Variants in ARHGEF4 observed in about 807,000 individuals in gnomAD.
ARHGEF4 encodes APC-stimulated guanine nucleotide exchange factor 1.
A neutral mutation model predicts 162.0 loss-of-function variants in ARHGEF4; 119 were observed. The observed-to-expected ratio is 0.73, with a 90% CI of 0.63 to 0.86. ARHGEF4 has a LOEUF of 0.86. Ranked by LOEUF, ARHGEF4 falls within the 40% of genes least tolerant of loss-of-function variation. ARHGEF4 has a pLI of 0.00. For missense variants in ARHGEF4, 2,488 were observed against 2,456.0 expected (o/e 1.01, Z -0.28); for synonymous variants, 1,014 against 979.9 (o/e 1.03, Z -0.65).
chr2:130,966,862 T>TG lies in ARHGEF4; in HGVS notation c.3985+20233dup, dbSNP rs1224219093. Among the ~76,000 whole-genome samples the TG allele has an allele frequency of 2.6e-5, 4 of 152,226 alleles. No homozygotes were observed. The East Asian group carries it at 7.7e-4, about 29-fold the overall frequency. ...ATGACTCTAGTCAGGGGTATTGATC[T>TG]GGGGGGTGCGCCCCACTGAGTCGCC... is the stretch of plus-strand genomic sequence containing the variant. On this transcript the variant is annotated intron_variant, in intron 4 of 13. Coordinates refer to ENST00000409359, the MANE Select transcript of ARHGEF4 (RefSeq NM_001367493.1).
At chr2:130,907,239 G>C (rs1379062618) in intron 1 of ARHGEF4, among the ~76,000 whole-genome samples, 2 of 16,750 alleles carry the variant, frequency 1.2e-4, no homozygotes, top group Non-Finnish European at 4.4e-4. Flanking sequence ...TTGAGACAGA[G>C]TCTCGCTCTG....
chr2:130,876,416 G>A (rs1192449905), intron 1 of ARHGEF4, among the ~76,000 whole-genome samples: 1 of 152,152 alleles, frequency 6.6e-6, no homozygotes, highest in African/African-American at 2.4e-5. Flanking sequence ...GTTTCTTTGA[G>A]ACAGAGTCTC....
chr2:130,921,417 C>T (rs978567220), intron 2 of ARHGEF4, among the ~76,000 whole-genome samples: 1 of 152,150 alleles, frequency 6.6e-6, no homozygotes, highest in Admixed American at 6.5e-5. Flanking sequence ...GGTCAGGGGC[C>T]TACTGCACGT....
chr2:130,930,125 C>T (rs1682543199), intron 2 of ARHGEF4, among the ~76,000 whole-genome samples: 1 of 152,126 alleles, frequency 6.6e-6, no homozygotes, highest in Non-Finnish European at 1.5e-5. Flanking sequence ...AATCTCCTGA[C>T]CTCGTGATCT....
At chr2:131,016,322 G>A (rs1315141042) in intron 4 of ARHGEF4, among the ~76,000 whole-genome samples, 3 of 152,300 alleles carry the variant, frequency 2.0e-5, no homozygotes, top group East Asian at 1.9e-4. Flanking sequence ...AGAACCCTGC[G>A]TGTGTCTGTG....
intron 3 of ARHGEF4, among the ~76,000 whole-genome samples, chr2:130,936,104 A>G (rs1199566520): frequency 6.6e-6 from 1 of 152,086 alleles, no homozygotes; most frequent in South Asian, 2.1e-4. Flanking sequence ...TCTGTAAAAG[A>G]CTTATGGTCT....
chr2:130,970,804 T>G (rs1187105037), intron 4 of ARHGEF4, among the ~76,000 whole-genome samples: 6 of 152,214 alleles, frequency 3.9e-5, no homozygotes, highest in African/African-American at 1.4e-4. Context: ...CTTTATATAT[T>G]CTGAGTGCAA....
In ARHGEF4 at chr2:130,915,858, C is replaced by T. The variant is rs1434121978; in HGVS notation, c.1912C>T (p.Gln638Ter). ...RGALIIVAVE[Q>*]KGLQASRSNA... ...CGCCCTCATCATTGTAGCTGTGGAG[C>T]AGAAAGGTCTTCAGGCCAGCAGGAG... The change falls in exon 2 of 14, where the codon CAG (glutamine) becomes TAG (stop). Residue 638 changes from glutamine (Q) to a stop codon, truncating the protein, a stop_gained. Coordinates refer to ENST00000409359, the MANE Select transcript of ARHGEF4 (RefSeq NM_001367493.1). LOFTEE classifies it high-confidence loss of function. The T allele has an allele frequency of 6.5e-7, 1 of 1,544,332 alleles. No homozygotes were observed. The highest frequency in any genetic ancestry group is 1.4e-5 in the African/African-American group (1 of 73,010).
At chr2:131,007,499 A>T (rs921023440) in intron 4 of ARHGEF4, among the ~76,000 whole-genome samples, 7 of 152,172 alleles carry the variant, frequency 4.6e-5, no homozygotes, top group African/African-American at 1.7e-4. Flanking sequence ...TTAAAATATA[A>T]ACGTGTTTGT....
intron 2 of ARHGEF4, among the ~76,000 whole-genome samples, chr2:130,927,261 C>T (rs758838648): frequency 6.6e-6 from 1 of 152,108 alleles, no homozygotes; most frequent in Non-Finnish European, 1.5e-5. Context: ...AGCAGGCCTT[C>T]TCCTGCATTA....
intron 1 of ARHGEF4, among the ~76,000 whole-genome samples, chr2:130,892,376 C>T (rs1167275415): frequency 6.6e-6 from 1 of 152,198 alleles, no homozygotes; most frequent in Non-Finnish European, 1.5e-5. Context: ...GTTAGCATCA[C>T]ATCTTACAAG....
intron 2 of ARHGEF4, among the ~76,000 whole-genome samples, chr2:130,918,345 G>A (rs1410404493): frequency 2.0e-5 from 3 of 152,352 alleles, no homozygotes; most frequent in Admixed American, 2.0e-4. Flanking sequence ...GTCAGGCACA[G>A]AACGGAGCAG....
intron 3 of ARHGEF4, among the ~76,000 whole-genome samples, chr2:130,933,416 T>G (rs1450665938): frequency 2.0e-5 from 3 of 152,204 alleles, no homozygotes; most frequent in African/African-American, 7.2e-5. Flanking sequence ...TGTTGGACCT[T>G]GCAATTTCAT....
intron 4 of ARHGEF4, among the ~76,000 whole-genome samples, chr2:131,025,146 G>A (rs1037932533): frequency 2.0e-5 from 3 of 152,184 alleles, no homozygotes; most frequent in African/African-American, 4.8e-5. Flanking sequence ...TTCACAGGAC[G>A]CATGACAGGG....
At chr2:130,854,686 C>T (rs1681635827) in intron 1 of ARHGEF4, among the ~76,000 whole-genome samples, 1 of 151,998 alleles carries the variant, frequency 6.6e-6, no homozygotes, top group African/African-American at 2.4e-5. Flanking sequence ...CCAGGAGGGG[C>T]GAGACAGGAA....
chr2:131,014,105 GA>G (rs1357906593), intron 4 of ARHGEF4, among the ~76,000 whole-genome samples: 2 of 152,132 alleles, frequency 1.3e-5, no homozygotes, highest in African/African-American at 4.8e-5. Flanking sequence ...GTGTTGTATT[GA>G]TTTGCCAAAA....
Position 130,915,922 on chromosome 2 carries a change from T to A in ARHGEF4, c.1976T>A (p.Phe659Tyr). ...GPVPETLPRDFPKERPESPLS... is the reference protein window; with the variant it reads ...GPVPETLPRDYPKERPESPLS... ...GTTCCAGAAACACTGCCCCGTGACT[T>A]TCCTAAGGAAAGACCAGAATCTCCC... Residue 659 changes from phenylalanine (F) to tyrosine (Y), a missense_variant, in exon 2 of 14, where the codon TTT (phenylalanine) becomes TAT (tyrosine). Phe to Tyr is a conservative substitution (Grantham distance 22, BLOSUM62 3). Coordinates refer to ENST00000409359, the MANE Select transcript of ARHGEF4 (RefSeq NM_001367493.1). 1 of 1,550,540 alleles carries A rather than the reference T, an allele frequency of 6.4e-7. No homozygotes were observed. Among genetic ancestry groups the A allele is most frequent in the Non-Finnish European group, 8.7e-7 (1 of 1,146,964 alleles).
At chr2:130,849,103 C>T (rs975087988) in intron 1 of ARHGEF4, among the ~76,000 whole-genome samples, 1 of 152,202 alleles carries the variant, frequency 6.6e-6, no homozygotes, top group Non-Finnish European at 1.5e-5. Flanking sequence ...AGCACCTCTT[C>T]CCACCCTCCC....
rs1250152537 is a variant in ARHGEF4, at chr2:130,914,435, C to G, written c.489C>G (p.Asp163Glu). 7.0e-7 allele frequency: 1 copy of G among 1,437,166 alleles called. No individual in the cohort carries two copies. The allele number at this position is 1,437,166 out of a possible 1,614,324, so 89.0% of individuals were successfully genotyped here. ...AGEQEAGHLW[D>E]CATSLERESL... ...AACAGGAGGCAGGACACCTCTGGGA[C>G]TGCGCGACCAGCCTGGAGCGAGAGT... is the stretch of plus-strand genomic sequence containing the variant. The change falls in exon 2 of 14, where the codon GAC becomes GAG. Residue 163 changes from aspartate (D) to glutamate (E), a missense_variant. Transcript: ENST00000409359.
Sources: gnomAD v4.1 joint callset for allele counts (sites outside exome capture counted in the v4.1 genomes callset) on GRCh38, gnomAD v4.1.1 for gene constraint, MANE v1.5 for transcripts, NCBI Gene and HGNC (gene_info 2026-07-23, HGNC 2026-07-21) for gene names.